PROCA1: variants seen among roughly 807,000 people sequenced by gnomAD.
PROCA1 encodes the protein protein PROCA1.
A neutral mutation model predicts 23.2 loss-of-function variants in PROCA1; 22 were observed. That is an observed-to-expected ratio of 0.95 (90% CI 0.68 to 1.35). PROCA1 has a LOEUF of 1.35. PROCA1 is among the 40% of genes most tolerant of loss of function. The probability of loss-of-function intolerance (pLI) is 0.00; values close to 1 mark genes in which losing one functional copy is unlikely to be tolerated. For synonymous variants in PROCA1, 182 were observed against 179.2 expected (o/e 1.02, Z -0.12); for missense variants, 469 against 459.8 (o/e 1.02, Z -0.18).
At position 28,704,025 on chromosome 17, in the gene PROCA1, CAG is replaced by C. The variant is rs769715809; in HGVS notation, c.626_627del (p.Pro209ArgfsTer12). 1.2e-5 allele frequency: 20 copies of C among 1,611,042 alleles called. No homozygotes were observed. The highest frequency in any genetic ancestry group is 6.7e-5 in the African/African-American group (5 of 74,800). On this transcript the variant is annotated frameshift_variant, in exon 5 of 5. Transcript: ENST00000682792. LOFTEE classifies it high-confidence loss of function. ...CAGATGGTGATGGGCGCTGTGGAGT[CAG>C]GGGTACCAGTGGCCATGCTGGTGCC... ...DLGTSMATGTPDSTAPITIWR... is the reference protein window; with the variant it reads ...DLGTSMATGTXDSTAPITIWR...
chr17:28,704,657 A>G (rs1459367067), intron 3 of PROCA1, 51 bp downstream of exon 3: 1 of 1,606,778 alleles, frequency 6.2e-7, no homozygotes, highest in Non-Finnish European at 8.5e-7. Context: ...GACCACAATG[A>G]AAGTTCGGAC....
chr17:28,709,955 C>T (rs1166858877), intron 1 of PROCA1, among the ~76,000 whole-genome samples: 2 of 152,114 alleles, frequency 1.3e-5, no homozygotes, highest in African/African-American at 2.4e-5. Context: ...CGATATCGTG[C>T]TACTGCACTC....
At chr17:28,706,868 C>G in intron 1 of PROCA1, 105 bp from the exon 2 acceptor site, 1 of 1,035,918 alleles carries the variant, frequency 9.7e-7, no homozygotes, top group Non-Finnish European at 1.3e-6. Flanking sequence ...TCGCTGCATC[C>G]TGGAGATGCA....
intron 1 of PROCA1, chr17:28,711,104 C>T: frequency 8.5e-7 from 1 of 1,180,336 alleles, no homozygotes; most frequent in Non-Finnish European, 1.1e-6. Flanking sequence ...CTGGCCTCGC[C>T]GCCGCGGAGG....
At chr17:28,706,546 TG>T (rs1459199510) in intron 2 of PROCA1, 133 bp downstream of exon 2, 1 of 464,878 alleles carries the variant, frequency 2.2e-6, no homozygotes, top group Non-Finnish European at 3.9e-6. Context: ...CTGTAGGGGA[TG>T]GGTTGAGGAT....
intron 1 of PROCA1, among the ~76,000 whole-genome samples, chr17:28,708,769 G>A (rs919165415): frequency 1.3e-5 from 2 of 151,280 alleles, no homozygotes; most frequent in African/African-American, 2.4e-5. Context: ...AGTCTGAGGC[G>A]GGAAGATCAC....
In PROCA1 at chr17:28,704,177, A is replaced by G. The variant is rs1263258224; in HGVS notation, c.476T>C (p.Ile159Thr). ...KSYRPVSVAV[I>T]HHPLYHECGA... Reference sequence around the variant, plus strand: ...ACACTCATGGTAGAGTGGATGGTGGATCACTGCCACAGAGACAGGTCTGTA... The same window carrying G: ...ACACTCATGGTAGAGTGGATGGTGGGTCACTGCCACAGAGACAGGTCTGTA... The change falls in exon 5 of 5, where the codon ATC (isoleucine) becomes ACC (threonine). Residue 159 changes from isoleucine (I) to threonine (T), a missense_variant. Transcript: ENST00000682792. The G allele has an allele frequency of 1.9e-6, 3 of 1,541,556 alleles. No homozygotes were observed. The highest frequency in any genetic ancestry group is 2.6e-6 in the Non-Finnish European group (3 of 1,149,082).
chr17:28,711,609 C>A lies in PROCA1; in HGVS notation c.52G>T (p.Glu18Ter), dbSNP rs2032790871. The A allele has an allele frequency of 6.2e-7, 1 of 1,612,184 alleles. No individual in the cohort carries two copies. Among genetic ancestry groups the A allele is most frequent in the Admixed American group, 1.7e-5 (1 of 59,924 alleles). Residue 18 changes from glutamate to a stop codon, truncating the protein, a stop_gained, in exon 1 of 5, where the codon GAG becomes TAG. Transcript: ENST00000682792. LOFTEE classifies it high-confidence loss of function. ...TCATCCCACGAGCGGGCCTTGGGCT[C>A]GGTCTTTTCCTTAGTCCATCTTTCA... ...TIERWTKEKT[E>*]PKARSWDESR...
rs756431998 is a variant in PROCA1 at position 28,704,017 on chromosome 17, T to C, written c.636A>G (p.Thr212=). 3 of 1,611,628 alleles carry C rather than the reference T, an allele frequency of 1.9e-6. No homozygotes were observed. The highest frequency in any genetic ancestry group is 2.2e-5 in the East Asian group (1 of 44,810). Reference sequence around the variant, plus strand: ...CAGAGCGCCAGATGGTGATGGGCGCTGTGGAGTCAGGGGTACCAGTGGCCA... The same window carrying C: ...CAGAGCGCCAGATGGTGATGGGCGCCGTGGAGTCAGGGGTACCAGTGGCCA... ...TSMATGTPDS[T]APITIWRSES... is the part of the protein sequence containing the mutation. Residue 212 remains threonine, a synonymous_variant, in exon 5 of 5, where the codon ACA becomes ACG. Coordinates refer to ENST00000682792, the MANE Select transcript of PROCA1 (RefSeq NM_001366301.1).
intron 2 of PROCA1, chr17:28,705,231 C>A: frequency 4.7e-6 from 1 of 210,854 alleles, no homozygotes; most frequent in Non-Finnish European, 9.7e-6. Flanking sequence ...GCCCCAGGAG[C>A]AGCAGAGCCG....
At chr17:28,710,978 T>TGGTAAGGGAGGGAAGGAGTAGGGC in intron 1 of PROCA1, 3 of 312,602 alleles carry the variant, frequency 9.6e-6, no homozygotes, top group Non-Finnish European at 1.3e-5. Context: ...AGGAGTAGGG[T>TGGTAAGGGAGGGAAGGAGTAGGGC]GGGAAGGGAG....
intron 1 of PROCA1, chr17:28,707,338 CTGA>C (rs2151685212): frequency 6.5e-6 from 1 of 153,228 alleles, no homozygotes; most frequent in East Asian, 1.9e-4. Context: ...GGAAGGGAAA[CTGA>C]TTGCTTGGGG....
rs1038439258 is a variant in PROCA1, at chr17:28,703,371, T to G, written c.*187A>C. ...TAGGAAGAAATAGGGCTGTGCCCCT[T>G]CCTTTCCCTCCCACCTGCCTTCCCA... is the stretch of plus-strand genomic sequence containing the variant. On this transcript the variant is annotated 3_prime_UTR_variant, in exon 5 of 5. Transcript: ENST00000682792. 6 of 628,958 alleles carry G rather than the reference T, an allele frequency of 9.5e-6. No homozygotes were observed. The highest frequency in any genetic ancestry group is 3.9e-5 in the South Asian group (2 of 50,842). 39.0% of individuals were successfully genotyped at this position (628,958 alleles called of 1,614,324 possible).
intron 1 of PROCA1, among the ~76,000 whole-genome samples, chr17:28,709,121 GATTCAA>G (rs2032661387): frequency 1.3e-5 from 2 of 152,334 alleles, no homozygotes; most frequent in African/African-American, 2.4e-5. Context: ...GTAGAAGTAG[GATTCAA>G]ACCCAGGTCT....
Position 28,711,654 on chromosome 17 carries a change from C to T in PROCA1, c.7G>A (p.Val3Ile). The change falls in exon 1 of 5, where the codon GTC (valine) becomes ATC (isoleucine). Residue 3 changes from valine to isoleucine, a missense_variant. Val to Ile is a conservative substitution (Grantham distance 29). Coordinates refer to ENST00000682792, the MANE Select transcript of PROCA1 (RefSeq NM_001366301.1). ...CTTTCAATTGTGAGCGTCGTCCTGA[C>T]CCACATCGCTCTCCGCCCAGGTCTT... MWVRTTLTIERWT... is the reference protein window; with the variant it reads MWIRTTLTIERWT... The T allele has an allele frequency of 6.2e-7, 1 of 1,612,374 alleles. No individual in the cohort carries two copies. The highest frequency in any genetic ancestry group is 1.1e-5 in the South Asian group (1 of 90,984).
chr17:28,703,392 T>A lies in PROCA1; in HGVS notation c.*166A>T. The A allele has an allele frequency of 1.4e-6, 1 of 690,380 alleles. No individual in the cohort carries two copies. Among genetic ancestry groups the A allele is most frequent in the South Asian group, 1.9e-5 (1 of 53,360 alleles). The allele number at this position is 690,380 out of a possible 1,614,324, so 42.8% of individuals were successfully genotyped here. On this transcript the variant is annotated 3_prime_UTR_variant, in exon 5 of 5. Transcript: ENST00000682792. ...CCCTTCCTTTCCCTCCCACCTGCCT[T>A]CCCATGGGCTTCCTTTGTGAAAGCT...
chr17:28,704,119 C>T lies in PROCA1; in HGVS notation c.534G>A (p.Glu178=). 3.8e-6 allele frequency: 6 copies of T among 1,569,568 alleles called. No individual in the cohort carries two copies. The highest frequency in any genetic ancestry group is 2.0e-5 in the Admixed American group (1 of 50,864). The stretch of plus-strand genomic sequence containing the variant: ...TGGGGGGCTTGCTTTCCTCCTCCTC[C>T]TCTTCCTCTTCTTCATTTAGATCAT... ...GADDLNEEEE[E]EEEESKPPIP... The change falls in exon 5 of 5, where the codon GAG becomes GAA. Residue 178 remains glutamate (E), a synonymous_variant. Coordinates refer to ENST00000682792, the MANE Select transcript of PROCA1 (RefSeq NM_001366301.1).
intron 2 of PROCA1, 164 bp downstream of exon 2, chr17:28,706,516 A>T: frequency 2.9e-6 from 1 of 349,268 alleles, no homozygotes. Context: ...CGGCCTTGAG[A>T]AAGGGGTCCC....
chr17:28,707,269 G>C (rs2032558341), intron 1 of PROCA1: 1 of 158,172 alleles, frequency 6.3e-6, no homozygotes, highest in Admixed American at 6.0e-5. Flanking sequence ...CTGCCCCTTT[G>C]CCTTTCCTTC....
Sources: allele counts gnomAD v4.1 joint callset (sites outside exome capture counted in the v4.1 genomes callset), GRCh38; gene constraint gnomAD v4.1.1; transcripts MANE v1.5; gene names NCBI Gene and HGNC (gene_info 2026-07-23, HGNC 2026-07-21).